ADCY2: variants seen among roughly 807,000 people sequenced by gnomAD.
The protein encoded by ADCY2 is adenylate cyclase 2, also known as adenylate cyclase type 2.
In ADCY2, 31 loss-of-function variants were observed where a neutral mutation model predicts 125.2. The observed-to-expected ratio is 0.25, with a 90% CI of 0.19 to 0.33. The LOEUF is 0.33. Among genes scored for constraint, ADCY2 ranks in the 10% least tolerant of loss-of-function variants. ADCY2 has a pLI of 1.00. For synonymous variants in ADCY2, 512 were observed against 548.4 expected (o/e 0.93, Z 0.93); for missense variants, 904 against 1,418.2 (o/e 0.64, Z 5.82).
intron 3 of ADCY2, among the ~76,000 whole-genome samples, chr5:7,589,498 G>GAA (rs1170625766): frequency 0.017 from 890 of 51,702 alleles, 21 homozygotes; most frequent in East Asian, 0.092. Context: ...AAGAAAGAAA[G>GAA]AAAGAAAGAA....
At chr5:7,540,485 C>A (rs1031923202) in intron 3 of ADCY2, among the ~76,000 whole-genome samples, 6 of 152,138 alleles carry the variant, frequency 3.9e-5, no homozygotes, top group African/African-American at 1.2e-4. Flanking sequence ...CCAAATGTGT[C>A]TGAACATCCT....
At chr5:7,684,463 A>G (rs1217022432) in intron 4 of ADCY2, among the ~76,000 whole-genome samples, 4 of 152,256 alleles carry the variant, frequency 2.6e-5, no homozygotes, top group Non-Finnish European at 5.9e-5. Context: ...GATGATAAAC[A>G]GTTCCGGTTT....
chr5:7,753,642 G>A (rs2126451517), intron 15 of ADCY2, among the ~76,000 whole-genome samples: 1 of 152,294 alleles, frequency 6.6e-6, no homozygotes, highest in Non-Finnish European at 1.5e-5. Context: ...GAGCCAAGTT[G>A]TAATTTTTCT....
At chr5:7,505,466 T>TGC (rs1476419913) in intron 2 of ADCY2, among the ~76,000 whole-genome samples, 1 of 152,224 alleles carries the variant, frequency 6.6e-6, no homozygotes, top group African/African-American at 2.4e-5. Context: ...AGGCCCAGTT[T>TGC]GCACGAACAT....
chr5:7,779,574 AC>A (rs11351180), intron 18 of ADCY2, among the ~76,000 whole-genome samples: 144,815 of 150,364 alleles, frequency 0.96, 69,881 homozygotes, highest in East Asian at 1. Context: ...TCCCAGTCCA[AC>A]CCCCCCCCCA....
At chr5:7,816,625 G>A (rs1369987197) in intron 22 of ADCY2, among the ~76,000 whole-genome samples, 1 of 152,258 alleles carries the variant, frequency 6.6e-6, no homozygotes, top group East Asian at 1.9e-4. Flanking sequence ...CCCGCATGAT[G>A]CGTTTGGCCT....
At chr5:7,622,837 CT>C (rs774110768) in intron 3 of ADCY2, among the ~76,000 whole-genome samples, 4 of 152,196 alleles carry the variant, frequency 2.6e-5, no homozygotes, top group Non-Finnish European at 5.9e-5. Flanking sequence ...GGGGAGCACC[CT>C]GAATTCAGTC....
At chr5:7,741,732 C>CCCCATA (rs1372437322) in intron 14 of ADCY2, among the ~76,000 whole-genome samples, 9 of 114,484 alleles carry the variant, frequency 7.9e-5, no homozygotes, top group African/African-American at 1.0e-4. Context: ...CTATCATCAT[C>CCCCATA]ACCATCACCA....
chr5:7,477,754 T>C (rs1224920704), intron 2 of ADCY2, among the ~76,000 whole-genome samples: 1 of 152,194 alleles, frequency 6.6e-6, no homozygotes, highest in Non-Finnish European at 1.5e-5. Flanking sequence ...GTCTAGAGAA[T>C]TGAAACCATC....
intron 4 of ADCY2, among the ~76,000 whole-genome samples, chr5:7,646,311 T>C (rs1473020227): frequency 2.0e-5 from 3 of 150,552 alleles, no homozygotes; most frequent in Non-Finnish European, 1.5e-5. Context: ...GGAGAACTTA[T>C]TATTTATATA....
chr5:7,512,719 A>C (rs1359344237), intron 2 of ADCY2, among the ~76,000 whole-genome samples: 1 of 152,192 alleles, frequency 6.6e-6, no homozygotes, highest in African/African-American at 2.4e-5. Flanking sequence ...ATGGTATATG[A>C]ACATGGGAAT....
Position 7,826,736 on chromosome 5 carries a change from C to A in ADCY2, c.3141C>A (p.Ser1047Arg). 6.2e-7 allele frequency: 1 copy of A among 1,613,858 alleles called. No individual in the cohort carries two copies. Among genetic ancestry groups the A allele is most frequent in the South Asian group, 1.1e-5 (1 of 90,990 alleles). Reference protein sequence around the residue: ...LDKIQVTEETSLVLQTLGYTC... With the variant: ...LDKIQVTEETRLVLQTLGYTC... ...CCTTCTAGGTTACCGAGGAGACGAGCCTCGTCCTGCAGACCCTCGGATACA... is the reference window on the plus strand; with the variant it reads ...CCTTCTAGGTTACCGAGGAGACGAGACTCGTCCTGCAGACCCTCGGATACA... The change falls in exon 25 of 25, where the codon AGC becomes AGA. Residue 1047 changes from serine (S) to arginine (R), a missense_variant. Transcript: ENST00000338316.
intron 3 of ADCY2, among the ~76,000 whole-genome samples, chr5:7,623,692 A>G (rs1359840592): frequency 1.3e-5 from 2 of 152,192 alleles, no homozygotes; most frequent in Non-Finnish European, 2.9e-5. Flanking sequence ...AATACTGAAG[A>G]CTGCCACATT....
At chr5:7,446,466 T>G (rs1308801930) in intron 2 of ADCY2, among the ~76,000 whole-genome samples, 2 of 152,198 alleles carry the variant, frequency 1.3e-5, no homozygotes, top group African/African-American at 4.8e-5. Flanking sequence ...ATATTTCAAT[T>G]GTCTTTGTTG....
intron 4 of ADCY2, among the ~76,000 whole-genome samples, chr5:7,642,180 C>T (rs1738731825): frequency 6.6e-6 from 1 of 152,128 alleles, no homozygotes; most frequent in African/African-American, 2.4e-5. Flanking sequence ...GCCTTACCAG[C>T]ATGTGTGTTT....
chr5:7,418,659 T>TG (rs1351947903), intron 2 of ADCY2, among the ~76,000 whole-genome samples: 2 of 135,572 alleles, frequency 1.5e-5, no homozygotes, highest in Non-Finnish European at 3.2e-5. Context: ...TTTTTTTTTT[T>TG]TTTTTTTTTT....
intron 2 of ADCY2, among the ~76,000 whole-genome samples, chr5:7,425,725 G>C (rs1740361759): frequency 6.6e-6 from 1 of 152,206 alleles, no homozygotes; most frequent in African/African-American, 2.4e-5. Context: ...TCCAATAAAG[G>C]CATTTGCCTG....
At chr5:7,398,390 T>G (rs767672339) in intron 1 of ADCY2, among the ~76,000 whole-genome samples, 11 of 152,210 alleles carry the variant, frequency 7.2e-5, no homozygotes, top group Non-Finnish European at 1.3e-4. Flanking sequence ...TGTATTTGTG[T>G]GTCTATATTC....
chr5:7,601,015 A>G (rs1331744928), intron 3 of ADCY2, among the ~76,000 whole-genome samples: 1 of 152,178 alleles, frequency 6.6e-6, no homozygotes, highest in Non-Finnish European at 1.5e-5. Context: ...GATTATGTTC[A>G]TGAATTTTGA....
Sources: allele counts gnomAD v4.1 joint callset (sites outside exome capture counted in the v4.1 genomes callset), GRCh38; gene constraint gnomAD v4.1.1; transcripts MANE v1.5; gene names NCBI Gene and HGNC (gene_info 2026-07-23, HGNC 2026-07-21).